ERP44: variants seen among roughly 807,000 people sequenced by gnomAD.
ERP44 encodes endoplasmic reticulum resident protein 44.
In ERP44, 25 loss-of-function variants were observed where a neutral mutation model predicts 53.4. The ratio of observed to expected loss-of-function variants is 0.47; its 90% CI spans 0.34 to 0.65. ERP44 has a LOEUF of 0.65. Among genes scored for constraint, ERP44 ranks in the 30% least tolerant of loss-of-function variants. The pLI is 0.01. For synonymous variants in ERP44, 145 were observed against 161.2 expected (o/e 0.90, Z 0.76); for missense variants, 338 against 493.2 (o/e 0.69, Z 2.98).
intron 4 of ERP44, among the ~76,000 whole-genome samples, chr9:100,038,098 A>G (rs1825862447): frequency 6.6e-6 from 1 of 152,196 alleles, no homozygotes; most frequent in Non-Finnish European, 1.5e-5. Flanking sequence ...GTGTCCTACA[A>G]GAAACGTTAA....
chr9:100,019,551 A>C (rs906708097), intron 6 of ERP44, among the ~76,000 whole-genome samples: 2 of 152,162 alleles, frequency 1.3e-5, no homozygotes, highest in African/African-American at 4.8e-5. Context: ...GTCATGAGCC[A>C]ATGAAAAGAG....
intron 9 of ERP44, 120 bp downstream of exon 9, chr9:100,007,458 A>G: frequency 1.6e-6 from 1 of 632,620 alleles, no homozygotes; most frequent in Non-Finnish European, 2.8e-6. Flanking sequence ...AATGTGTTAA[A>G]ATAAGTTTTT....
chr9:100,085,152 T>C (rs142305395), intron 1 of ERP44, among the ~76,000 whole-genome samples: 1 of 152,364 alleles, frequency 6.6e-6, no homozygotes, highest in East Asian at 1.9e-4. Flanking sequence ...AACTAGTGTG[T>C]ATCAAGGAAG....
At chr9:100,048,306 A>T (rs1437604200) in intron 4 of ERP44, among the ~76,000 whole-genome samples, 16 of 152,142 alleles carry the variant, frequency 1.1e-4, no homozygotes, top group Admixed American at 1.0e-3. Context: ...CATGTACCCT[A>T]AAACTTAAAG....
intron 10 of ERP44, 32 bp from the exon 11 acceptor site, chr9:99,985,101 T>TAA: frequency 7.1e-7 from 1 of 1,414,662 alleles, no homozygotes; most frequent in Non-Finnish European, 1.0e-6. Flanking sequence ...ATGTAAACTG[T>TAA]TAAAATGGAC....
chr9:100,093,251 T>C (rs533963315), intron 1 of ERP44, among the ~76,000 whole-genome samples: 1 of 152,348 alleles, frequency 6.6e-6, no homozygotes, highest in East Asian at 1.9e-4. Flanking sequence ...AATTTTAACC[T>C]ATCAGACATA....
rs946487922 is a variant in ERP44, at chr9:99,981,819, C to T, written c.*793G>A. Reference sequence around the variant, plus strand: ...TTCTTCTCTTTGGAAATTGAAGTCTCATAATAGGAGGAGCCTTAAAAGTCA... The same window carrying T: ...TTCTTCTCTTTGGAAATTGAAGTCTTATAATAGGAGGAGCCTTAAAAGTCA... On this transcript the variant is annotated 3_prime_UTR_variant, in exon 12 of 12. Coordinates refer to ENST00000262455, the MANE Select transcript of ERP44 (RefSeq NM_015051.3). 3 of 152,180 alleles carry T rather than the reference C, an allele frequency of 2.0e-5. No individual in the cohort carries two copies. Among genetic ancestry groups the T allele is most frequent in the African/African-American group, 7.2e-5 (3 of 41,430 alleles). The allele number at this position is 152,180 out of a possible 1,614,324, so 9.4% of individuals were successfully genotyped here.
intron 4 of ERP44, 102 bp from the exon 5 acceptor site, chr9:100,022,328 G>T: frequency 2.4e-6 from 2 of 833,078 alleles, no homozygotes; most frequent in Non-Finnish European, 3.5e-6. Flanking sequence ...GAACTTTTTG[G>T]TTCAAGTCAT....
intron 4 of ERP44, among the ~76,000 whole-genome samples, chr9:100,023,644 A>AGAC (rs1688649371): frequency 6.6e-6 from 1 of 151,952 alleles, no homozygotes; most frequent in African/African-American, 2.4e-5. Flanking sequence ...ATGAGGTCTC[A>AGAC]CTATGTTGCC....
chr9:100,003,719 G>A (rs1830401373), intron 10 of ERP44, among the ~76,000 whole-genome samples: 1 of 151,818 alleles, frequency 6.6e-6, no homozygotes, highest in African/African-American at 2.4e-5. Context: ...CACTGGGGTA[G>A]GCCTTGAGCC....
At chr9:100,033,973 G>T (rs934921220) in intron 4 of ERP44, among the ~76,000 whole-genome samples, 1 of 152,132 alleles carries the variant, frequency 6.6e-6, no homozygotes, top group Non-Finnish European at 1.5e-5. Context: ...GGGTTCCCTT[G>T]TAAAAGAGAG....
intron 1 of ERP44, among the ~76,000 whole-genome samples, chr9:100,068,359 CCGCCCCG>C (rs1564102417): frequency 7.3e-6 from 1 of 137,252 alleles, no homozygotes; most frequent in Non-Finnish European, 1.6e-5. Context: ...GCCCGGCCAG[CCGCCCCG>C]TCCGGGAGGG....
chr9:100,091,959 A>C (rs1826562428), intron 1 of ERP44, among the ~76,000 whole-genome samples: 2 of 152,040 alleles, frequency 1.3e-5, no homozygotes, highest in African/African-American at 4.8e-5. Context: ...TTGGTAGTCT[A>C]ATTATTTATA....
At chr9:100,061,492 A>ATATATATTTATAGAAATG (rs1475745830) in intron 1 of ERP44, among the ~76,000 whole-genome samples, 3 of 147,238 alleles carry the variant, frequency 2.0e-5, no homozygotes, top group Non-Finnish European at 4.5e-5. Flanking sequence ...ATATGTATAA[A>ATATATATTTATAGAAATG]TATATATTTA....
intron 11 of ERP44, among the ~76,000 whole-genome samples, chr9:99,983,784 ATTT>A (rs1424122813): frequency 6.6e-6 from 1 of 152,132 alleles, no homozygotes; most frequent in Non-Finnish European, 1.5e-5. Flanking sequence ...TTCCCAATAC[ATTT>A]TTAATTTTTT....
chr9:99,980,233 G>C lies in ERP44; in HGVS notation c.*2379C>G. ...ACAGTCATTGTTTACATATCCATATGCCTGACTAGGCTGTGAACAACTCTA... is the reference window on the plus strand; with the variant it reads ...ACAGTCATTGTTTACATATCCATATCCCTGACTAGGCTGTGAACAACTCTA... On this transcript the variant is annotated 3_prime_UTR_variant, in exon 12 of 12. Coordinates refer to ENST00000262455, the MANE Select transcript of ERP44 (RefSeq NM_015051.3). 2 of 394,952 alleles carry C rather than the reference G, an allele frequency of 5.1e-6. No homozygotes were observed. The highest frequency in any genetic ancestry group is 8.9e-6 in the Non-Finnish European group (2 of 224,186). 24.5% of individuals were successfully genotyped at this position (394,952 alleles called of 1,614,324 possible).
chr9:100,065,679 T>C (rs758476171), intron 1 of ERP44, among the ~76,000 whole-genome samples: 2 of 151,792 alleles, frequency 1.3e-5, no homozygotes, highest in Non-Finnish European at 2.9e-5. Flanking sequence ...AGAAGAAGAG[T>C]TATATTACAT....
At chr9:100,010,835 A>G (rs1246714870) in intron 8 of ERP44, among the ~76,000 whole-genome samples, 6 of 149,708 alleles carry the variant, frequency 4.0e-5, no homozygotes, top group Non-Finnish European at 7.4e-5. Flanking sequence ...TGGGGGGCAG[A>G]GGTTACAGTG....
At chr9:100,047,732 T>C (rs996110641) in intron 4 of ERP44, among the ~76,000 whole-genome samples, 3 of 152,124 alleles carry the variant, frequency 2.0e-5, no homozygotes, top group African/African-American at 4.8e-5. Context: ...ATACATAAGA[T>C]AGACCACATT....
Sources: gnomAD v4.1 joint callset for allele counts (sites outside exome capture counted in the v4.1 genomes callset) on GRCh38, gnomAD v4.1.1 for gene constraint, MANE v1.5 for transcripts, NCBI Gene and HGNC (gene_info 2026-07-23, HGNC 2026-07-21) for gene names.